CTIF: variants seen among roughly 807,000 people sequenced by gnomAD.
CTIF encodes cap binding complex dependent translation initiation factor.
A neutral mutation model predicts 66.0 loss-of-function variants in CTIF; 21 were observed. That is an observed-to-expected ratio of 0.32 (90% CI 0.23 to 0.46). The LOEUF (loss-of-function observed/expected upper bound fraction) is 0.46. CTIF is among the 20% of genes least tolerant of loss of function. The pLI, the probability that CTIF is intolerant of heterozygous loss-of-function variation, is 1.00. For synonymous variants in CTIF, 345 were observed against 326.4 expected (o/e 1.06, Z -0.62); for missense variants, 739 against 812.7 (o/e 0.91, Z 1.10).
chr18:48,729,841 A>T (rs1322814134), intron 7 of CTIF, among the ~76,000 whole-genome samples: 1 of 152,222 alleles, frequency 6.6e-6, no homozygotes, highest in Non-Finnish European at 1.5e-5. Flanking sequence ...TTTGGCAGGC[A>T]TGAGGAAAGA....
chr18:48,744,135 G>A (rs1041177418), intron 7 of CTIF, among the ~76,000 whole-genome samples: 2 of 152,158 alleles, frequency 1.3e-5, no homozygotes, highest in African/African-American at 4.8e-5. Flanking sequence ...TTCAGACTGT[G>A]CCCAGACACT....
intron 7 of CTIF, among the ~76,000 whole-genome samples, chr18:48,737,298 C>T (rs1469909138): frequency 1.3e-5 from 2 of 152,232 alleles, no homozygotes; most frequent in Non-Finnish European, 2.9e-5. Context: ...GAGCCTGACT[C>T]CTAAGTCTCC....
At position 48,545,852 on chromosome 18, in the gene CTIF, C is replaced by T. The variant is rs375096257; in HGVS notation, c.-29+6540C>T. On this transcript the variant is annotated intron_variant, in intron 1 of 11. Coordinates refer to ENST00000256413, the MANE Select transcript of CTIF (RefSeq NM_014772.3). ...ACAATGAGAGCAGACCTCTTCCTCC[C>T]ATTGTCAGATAATCCTTTGTCATGC... is the stretch of plus-strand genomic sequence containing the variant. 1.9e-4 allele frequency among the ~76,000 whole-genome samples: 29 copies of T among 152,162 alleles called. No homozygotes were observed. The East Asian group carries it at 5.0e-3, about 26-fold the overall frequency.
intron 7 of CTIF, among the ~76,000 whole-genome samples, chr18:48,726,953 A>T (rs2092391901): frequency 6.6e-6 from 1 of 152,028 alleles, no homozygotes; most frequent in African/African-American, 2.4e-5. Flanking sequence ...AAGTCTCATC[A>T]TCTAGATCAT....
intron 9 of CTIF, among the ~76,000 whole-genome samples, chr18:48,785,786 A>C (rs1345128690): frequency 6.6e-6 from 1 of 152,124 alleles, no homozygotes; most frequent in African/African-American, 2.4e-5. Context: ...GCACCTGGGG[A>C]GATTTGGAAA....
intron 7 of CTIF, among the ~76,000 whole-genome samples, chr18:48,729,906 G>A (rs1372305402): frequency 6.6e-6 from 1 of 152,224 alleles, no homozygotes; most frequent in Non-Finnish European, 1.5e-5. Context: ...GAGGACTCCT[G>A]TTAATCCGCT....
In CTIF at chr18:48,771,665, C is replaced by A. The variant is rs1041354450; in HGVS notation, c.1371+9976C>A. Among the ~76,000 whole-genome samples, 6 of 152,320 alleles carry A rather than the reference C, an allele frequency of 3.9e-5. No individual in the cohort carries two copies. The South Asian group carries it at 1.2e-3, about 32-fold the overall frequency. On this transcript the variant is annotated intron_variant, in intron 9 of 11. Coordinates refer to ENST00000256413, the MANE Select transcript of CTIF (RefSeq NM_014772.3). Reference sequence around the variant, plus strand: ...CAGGCCCTGCAGATAAGTGGGTTACCGGAGAAGGCCAGCTCGGGTGTCCCA... The same window carrying A: ...CAGGCCCTGCAGATAAGTGGGTTACAGGAGAAGGCCAGCTCGGGTGTCCCA...
intron 1 of CTIF, among the ~76,000 whole-genome samples, chr18:48,556,999 C>A (rs145470413): frequency 0.032 from 4,861 of 152,224 alleles, 119 homozygotes; most frequent in Middle Eastern, 0.061. Context: ...TACACTTAGC[C>A]CAGTGCTTGG....
At chr18:48,679,774 C>G (rs1254273196) in intron 6 of CTIF, among the ~76,000 whole-genome samples, 1 of 152,150 alleles carries the variant, frequency 6.6e-6, no homozygotes, top group African/African-American at 2.4e-5. Context: ...TGATTCTAGG[C>G]CAATTTTGAG....
chr18:48,643,177 C>T (rs546229461), intron 3 of CTIF, among the ~76,000 whole-genome samples: 193 of 152,260 alleles, frequency 1.3e-3, no homozygotes, highest in Non-Finnish European at 2.3e-3. Context: ...CCTAGGGTAA[C>T]GCTTAGCTCT....
At chr18:48,562,601 G>GGA (rs1345826575) in intron 1 of CTIF, among the ~76,000 whole-genome samples, 1 of 152,154 alleles carries the variant, frequency 6.6e-6, no homozygotes, top group Non-Finnish European at 1.5e-5. Context: ...TTCTAAGCTT[G>GGA]GAGAGGGGAC....
chr18:48,728,739 T>TGAGAGAGA (rs138125305), intron 7 of CTIF, among the ~76,000 whole-genome samples: 177 of 139,200 alleles, frequency 1.3e-3, no homozygotes, highest in African/African-American at 3.7e-3. Flanking sequence ...AGGGGGAGAG[T>TGAGAGAGA]GAGAGAGAGA....
At chr18:48,768,630 T>C (rs1175595926) in intron 9 of CTIF, among the ~76,000 whole-genome samples, 1 of 152,100 alleles carries the variant, frequency 6.6e-6, no homozygotes, top group African/African-American at 2.4e-5. Context: ...CATATCATGG[T>C]TGGGAGCAAT....
intron 1 of CTIF, among the ~76,000 whole-genome samples, chr18:48,551,282 G>T (rs760732621): frequency 1.3e-5 from 2 of 151,850 alleles, no homozygotes; most frequent in Non-Finnish European, 2.9e-5. Context: ...TGGACTTCCA[G>T]TCTCCAGAAT....
intron 1 of CTIF, among the ~76,000 whole-genome samples, chr18:48,608,465 G>A (rs751656373): frequency 6.6e-6 from 1 of 152,158 alleles, no homozygotes; most frequent in Non-Finnish European, 1.5e-5. Flanking sequence ...TGCAGGACAA[G>A]GCGGTCATCG....
At chr18:48,777,779 C>A (rs1011340752) in intron 9 of CTIF, among the ~76,000 whole-genome samples, 2 of 152,214 alleles carry the variant, frequency 1.3e-5, no homozygotes, top group Non-Finnish European at 2.9e-5. Flanking sequence ...CAGGCTTCTC[C>A]CATGCAGTAG....
chr18:48,584,870 A>G (rs1226811361), intron 1 of CTIF, among the ~76,000 whole-genome samples: 1 of 152,250 alleles, frequency 6.6e-6, no homozygotes, highest in Non-Finnish European at 1.5e-5. Context: ...CACATACAGT[A>G]AAATGCATTA....
intron 1 of CTIF, among the ~76,000 whole-genome samples, chr18:48,609,141 C>A (rs1335923959): frequency 2.6e-5 from 4 of 152,162 alleles, no homozygotes; most frequent in African/African-American, 9.7e-5. Flanking sequence ...TGCAGGTTGG[C>A]AAAACAGGTC....
intron 3 of CTIF, among the ~76,000 whole-genome samples, chr18:48,654,828 C>A (rs1222279827): frequency 6.6e-6 from 1 of 152,108 alleles, no homozygotes; most frequent in Non-Finnish European, 1.5e-5. Flanking sequence ...TTTGCAGGGA[C>A]ATGGATTCAG....
Sources: allele counts gnomAD v4.1 joint callset (sites outside exome capture counted in the v4.1 genomes callset), GRCh38; gene constraint gnomAD v4.1.1; transcripts MANE v1.5; gene names NCBI Gene and HGNC (gene_info 2026-07-23, HGNC 2026-07-21).